The following EVC2 variants were observed in gnomAD, a reference collection of about 807,000 sequenced individuals.
EVC2 encodes limbin.
A neutral mutation model predicts 149.3 loss-of-function variants in EVC2; 148 were observed. That is an observed-to-expected ratio of 0.99 (90% confidence interval 0.87 to 1.14). The LOEUF is 1.14. Ranked by LOEUF, EVC2 falls within the 50% of genes most tolerant of loss-of-function variation. The pLI is 0.00. For missense variants in EVC2, 1,854 were observed against 1,627.3 expected (o/e 1.14, Z -2.40); for synonymous variants, 776 against 649.9 (o/e 1.19, Z -2.95).
intron 20 of EVC2, among the ~76,000 whole-genome samples, chr4:5,565,915 T>A (rs532916584): frequency 6.6e-6 from 1 of 152,106 alleles, no homozygotes; most frequent in African/African-American, 2.4e-5. Flanking sequence ...GGGGAGTCAT[T>A]TGAGCAAAGG....
intron 16 of EVC2, among the ~76,000 whole-genome samples, chr4:5,598,376 G>C (rs1464100685): frequency 6.6e-6 from 1 of 150,444 alleles, no homozygotes; most frequent in Non-Finnish European, 1.5e-5. Context: ...CAGAGATATA[G>C]ATCAATGGAA....
intron 9 of EVC2, among the ~76,000 whole-genome samples, chr4:5,653,760 A>G (rs1718306065): frequency 6.6e-6 from 1 of 152,216 alleles, no homozygotes; most frequent in Non-Finnish European, 1.5e-5. Flanking sequence ...TTCTTCTCTC[A>G]ATGTTTCTAT....
In EVC2 at chr4:5,640,278, G is replaced by A. The variant is rs1717225350; in HGVS notation, c.1470+236C>T. 6.6e-6 allele frequency among the ~76,000 whole-genome samples: 1 copy of A among 151,678 alleles called. No individual in the cohort carries two copies. The highest frequency in any genetic ancestry group is 6.6e-5 in the Admixed American group (1 of 15,232). On this transcript the variant is annotated intron_variant, in intron 10 of 21. Coordinates refer to ENST00000344408, the MANE Select transcript of EVC2 (RefSeq NM_147127.5). The surrounding 1 kb of genome is among the most constrained non-coding windows in gnomAD (Gnocchi z 4.6). ...AGGTGCACAGATGATTGGATGAGTG[G>A]GTGGATGGATGAGTGGGTGAATGGG...
At chr4:5,664,748 TC>T (rs1344985018) in intron 8 of EVC2, among the ~76,000 whole-genome samples, 1 of 152,118 alleles carries the variant, frequency 6.6e-6, no homozygotes, top group Non-Finnish European at 1.5e-5. Flanking sequence ...AGGGCCCAGG[TC>T]CCTGATGAAA....
In EVC2 at chr4:5,708,371, CG is replaced by C; in HGVS notation, c.142del (p.Arg48GlyfsTer13). 3.4e-6 allele frequency: 5 copies of C among 1,490,470 alleles called. No homozygotes were observed. The highest frequency in any genetic ancestry group is 4.4e-6 in the Non-Finnish European group (5 of 1,127,080). 92.3% of individuals were successfully genotyped at this position (1,490,470 alleles called of 1,614,324 possible). On this transcript the variant is annotated frameshift_variant, in exon 1 of 22. Coordinates refer to ENST00000344408, the MANE Select transcript of EVC2 (RefSeq NM_147127.5). LOFTEE classifies it high-confidence loss of function. ...RWRPLGAQPPRDPQVAPRSGP... is the reference protein window; with the variant it reads ...RWRPLGAQPPXDPQVAPRSGP... Reference sequence around the variant, plus strand: ...AGACCTAGGAGCCACCTGGGGATCCCGGGGTGGCTGCGCGCCGAGGGGGCGC... The same window carrying C: ...AGACCTAGGAGCCACCTGGGGATCCCGGGTGGCTGCGCGCCGAGGGGGCGC...
At chr4:5,697,569 A>G in intron 2 of EVC2, 24 bp downstream of exon 2, 1 of 1,613,526 alleles carries the variant, frequency 6.2e-7, no homozygotes, top group Non-Finnish European at 8.5e-7. Context: ...AAACAGGGGA[A>G]CATCAACCAG....
chr4:5,587,796 G>A lies in EVC2; in HGVS notation c.2830-2946C>T, dbSNP rs192636236. 2.8e-3 allele frequency among the ~76,000 whole-genome samples: 425 copies of A among 152,272 alleles called. 1 individual carries two copies. The highest frequency in any genetic ancestry group is 9.7e-3 in the African/African-American group (402 of 41,556). The stretch of plus-strand genomic sequence containing the variant: ...ACGTGACTGGGGGCTGCATACACTG[G>A]TAATTAGAAAGGAACCGAACAGGAC... On this transcript the variant is annotated intron_variant, in intron 16 of 21. Transcript: ENST00000344408.
intron 1 of EVC2, among the ~76,000 whole-genome samples, chr4:5,707,339 T>G (rs746158005): frequency 6.6e-6 from 1 of 152,042 alleles, no homozygotes; most frequent in African/African-American, 2.4e-5. Flanking sequence ...GTGTCGCAAG[T>G]GTCCTGGGGT....
upstream of EVC2, chr4:5,709,532 A>G (rs1397463831): frequency 6.6e-6 from 1 of 152,242 alleles, no homozygotes; most frequent in Non-Finnish European, 1.5e-5. Flanking sequence ...GGGGTTCGAG[A>G]AGCTGAGAAT....
chr4:5,571,145 G>A (rs112075045), intron 19 of EVC2, among the ~76,000 whole-genome samples: 5,016 of 151,752 alleles, frequency 0.033, 248 homozygotes, highest in African/African-American at 0.11. Flanking sequence ...GTGAAACCCC[G>A]TCTCTACTGA....
chr4:5,675,864 A>T (rs1719949663), intron 7 of EVC2, among the ~76,000 whole-genome samples: 1 of 152,192 alleles, frequency 6.6e-6, no homozygotes, highest in Admixed American at 6.5e-5. Flanking sequence ...GAATTGCTTG[A>T]ACCCAGGAGG....
chr4:5,593,515 T>C (rs1283124587), intron 16 of EVC2, among the ~76,000 whole-genome samples: 1 of 152,146 alleles, frequency 6.6e-6, no homozygotes, highest in African/African-American at 2.4e-5. Flanking sequence ...CACCCAAACA[T>C]TGGGAGAATA....
At chr4:5,689,392 C>A (rs1216127326) in intron 4 of EVC2, 49 bp from the exon 5 acceptor site, 1 of 1,605,586 alleles carries the variant, frequency 6.2e-7, no homozygotes, top group Non-Finnish European at 8.5e-7. Flanking sequence ...ACAAGTCCAG[C>A]TTCCTAAAAT....
In EVC2 at chr4:5,693,424, G is replaced by C. The variant is rs112907246; in HGVS notation, c.450+911C>G. 7.0e-3 allele frequency among the ~76,000 whole-genome samples: 1,061 copies of C among 152,334 alleles called. 17 individuals are homozygous for C. Among genetic ancestry groups the C allele is most frequent in the African/African-American group, 0.024 (1,008 of 41,584 alleles). On this transcript the variant is annotated intron_variant, in intron 3 of 21. Coordinates refer to ENST00000344408, the MANE Select transcript of EVC2 (RefSeq NM_147127.5). ...GTCCTTATAAGTGGCACATAGAGAA[G>C]ACACAGACACAGAGGAGGCCAAGAG...
At chr4:5,584,580 G>A (rs1026884754) in intron 17 of EVC2, 43 bp downstream of exon 17, 2 of 1,584,240 alleles carry the variant, frequency 1.3e-6, no homozygotes, top group Non-Finnish European at 8.6e-7. Flanking sequence ...GTACCAGAAA[G>A]ACCCAGCTCT....
At chr4:5,709,195 C>G (rs73795013), upstream of EVC2, 1 of 152,270 alleles carries the variant, frequency 6.6e-6, no homozygotes, top group Non-Finnish European at 1.5e-5. Context: ...TGTCTGAAGT[C>G]GCAGCCCTAA....
rs1722132097 is a variant in EVC2 at position 5,706,321 on chromosome 4, C to CTTAGATAGATAGATAGATAGATAG, written c.228+1964_228+1965insCTATCTATCTATCTATCTATCTAA. On this transcript the variant is annotated intron_variant, in intron 1 of 21. Transcript: ENST00000344408. ...AGATAGATACATAGATAGATAGATACATAGATAGATAGATAGATACATAGA... is the reference window on the plus strand; with the variant it reads ...AGATAGATACATAGATAGATAGATACTTAGATAGATAGATAGATAGATAGATAGATAGATAGATAGATACATAGA... Among the ~76,000 whole-genome samples, 16 of 26,510 alleles carry CTTAGATAGATAGATAGATAGATAG rather than the reference C, an allele frequency of 6.0e-4. 1 individual carries two copies. Among genetic ancestry groups the CTTAGATAGATAGATAGATAGATAG allele is most frequent in the African/African-American group, 2.6e-3 (16 of 6,270 alleles). The allele number at this position is 26,510 out of a possible 152,430, so 17.4% of individuals were successfully genotyped here.
At chr4:5,702,618 T>C (rs1349962458) in intron 1 of EVC2, among the ~76,000 whole-genome samples, 3 of 152,232 alleles carry the variant, frequency 2.0e-5, no homozygotes, top group African/African-American at 7.2e-5. Flanking sequence ...TATGAAATGT[T>C]TAAGTTTAGC....
the EVC2 span, among the ~76,000 whole-genome samples, chr4:5,536,166 A>G: frequency 6.6e-6 from 1 of 152,164 alleles, no homozygotes; most frequent in African/African-American, 2.4e-5. Context: ...AATTTTAAAC[A>G]TAGACCCATG....
Sources: allele counts gnomAD v4.1 joint callset (sites outside exome capture counted in the v4.1 genomes callset), GRCh38; gene constraint gnomAD v4.1.1; non-coding constraint Gnocchi (gnomAD v3.1); transcripts MANE v1.5; gene names NCBI Gene and HGNC (gene_info 2026-07-23, HGNC 2026-07-21).